The following MBTPS1 variants were observed in gnomAD, a reference collection of about 807,000 sequenced individuals.
The protein encoded by MBTPS1 is membrane bound transcription factor peptidase, site 1.
MBTPS1 carries 94 observed loss-of-function variants against 127.8 expected under a neutral mutation model. The observed-to-expected ratio is 0.74, with a 90% CI of 0.62 to 0.87. MBTPS1 has a LOEUF of 0.87. Among genes scored for constraint, MBTPS1 ranks in the 40% least tolerant of loss-of-function variants. The pLI is 0.00. For synonymous variants in MBTPS1, 632 were observed against 509.4 expected (o/e 1.24, Z -3.24); for missense variants, 1,636 against 1,353.2 (o/e 1.21, Z -3.28).
intron 4 of MBTPS1, 28 bp from the exon 5 acceptor site, chr16:84,093,849 T>C (rs367958637): frequency 2.6e-5 from 37 of 1,450,762 alleles, no homozygotes; most frequent in East Asian, 1.8e-4. Context: ...GCAAACACAA[T>C]TATGTTTGAA....
At position 84,101,718 on chromosome 16, in the gene MBTPS1, G is replaced by T. The variant is rs201212698; in HGVS notation, c.66C>A (p.Gly22=). ...CAAAAGATTTCTTTTCCAGTCTGTC[G>T]CCCAGATGTTTCTTCCCACAGAGCA... The part of the protein sequence containing the change: ...VVLLCGKKHL[G]DRLEKKSFEK... Residue 22 remains glycine (G), a synonymous_variant, in exon 2 of 23, where the codon GGC becomes GGA. Transcript: ENST00000343411. 47 of 1,613,904 alleles carry T rather than the reference G, an allele frequency of 2.9e-5. No homozygotes were observed. Among genetic ancestry groups the T allele is most frequent in the Non-Finnish European group, 9.3e-6 (11 of 1,179,960 alleles).
intron 1 of MBTPS1, among the ~76,000 whole-genome samples, chr16:84,109,074 G>A (rs1458764241): frequency 6.6e-6 from 1 of 152,202 alleles, no homozygotes; most frequent in Non-Finnish European, 1.5e-5. Context: ...ACAGCAAGGA[G>A]CCCACCTACT....
intron 12 of MBTPS1, among the ~76,000 whole-genome samples, chr16:84,073,105 A>G (rs747555060): frequency 2.6e-5 from 4 of 152,220 alleles, no homozygotes; most frequent in Non-Finnish European, 5.9e-5. Context: ...ACAACCATTA[A>G]GAAGTATACT....
At chr16:84,110,194 A>G (rs949223867) in intron 1 of MBTPS1, among the ~76,000 whole-genome samples, 7 of 152,182 alleles carry the variant, frequency 4.6e-5, no homozygotes, top group African/African-American at 1.7e-4. Flanking sequence ...ACAGATTTAC[A>G]CTCATCAATT....
intron 10 of MBTPS1, 68 bp from the exon 11 acceptor site, chr16:84,081,976 T>C: frequency 8.2e-7 from 1 of 1,222,012 alleles, no homozygotes; most frequent in East Asian, 2.9e-5. Context: ...CACTAAAACC[T>C]AACCTACAAA....
chr16:84,054,256 T>A lies in MBTPS1; in HGVS notation c.*193A>T, dbSNP rs2085482439. The A allele has an allele frequency of 2.3e-6, 1 of 433,624 alleles. No homozygotes were observed. Among genetic ancestry groups the A allele is most frequent in the African/African-American group, 2.0e-5 (1 of 49,052 alleles). The allele number at this position is 433,624 out of a possible 1,614,324, so 26.9% of individuals were successfully genotyped here. ...AGCCACTAAGTCCCTCCTGACGGGA[T>A]CCACAGGAATCTTCTCGATGTACCA... On this transcript the variant is annotated 3_prime_UTR_variant, in exon 23 of 23. Transcript: ENST00000343411.
intron 21 of MBTPS1, among the ~76,000 whole-genome samples, 184 bp downstream of exon 21, chr16:84,059,118 G>A (rs2085567185): frequency 6.6e-6 from 1 of 152,170 alleles, no homozygotes; most frequent in African/African-American, 2.4e-5. Flanking sequence ...TTTTATGCAG[G>A]ATACCACCAA....
intron 1 of MBTPS1, among the ~76,000 whole-genome samples, chr16:84,107,407 G>C (rs1198348181): frequency 6.6e-6 from 1 of 152,178 alleles, no homozygotes; most frequent in East Asian, 1.9e-4. Context: ...GGAAATGACA[G>C]GGACAAGGAC....
At chr16:84,058,311 C>T (rs1266774202) in intron 21 of MBTPS1, among the ~76,000 whole-genome samples, 1 of 152,254 alleles carries the variant, frequency 6.6e-6, no homozygotes, top group East Asian at 1.9e-4. Context: ...CTCTCCTCTT[C>T]GCCTTACAGG....
At chr16:84,111,213 G>C (rs2086392165) in intron 1 of MBTPS1, among the ~76,000 whole-genome samples, 1 of 152,110 alleles carries the variant, frequency 6.6e-6, no homozygotes, top group Non-Finnish European at 1.5e-5. Flanking sequence ...AGAGGCAGGA[G>C]ATGACAACAG....
intron 12 of MBTPS1, among the ~76,000 whole-genome samples, chr16:84,071,581 C>T (rs1436464345): frequency 6.6e-6 from 1 of 152,144 alleles, no homozygotes; most frequent in East Asian, 1.9e-4. Context: ...TGTAACACAT[C>T]AAATTAACAC....
At chr16:84,055,886 AC>A in intron 22 of MBTPS1, 118 bp downstream of exon 22, 1 of 1,164,058 alleles carries the variant, frequency 8.6e-7, no homozygotes, top group Non-Finnish European at 1.2e-6. Context: ...CAAGGCCACC[AC>A]AGCTCCCAGG....
At chr16:84,075,944 T>C (rs1443628089) in intron 11 of MBTPS1, among the ~76,000 whole-genome samples, 1 of 152,242 alleles carries the variant, frequency 6.6e-6, no homozygotes, top group Non-Finnish European at 1.5e-5. Flanking sequence ...CAAAGGTATC[T>C]GTTCTACTTG....
At chr16:84,085,911 G>A (rs1041238497) in intron 9 of MBTPS1, 2 of 152,156 alleles carry the variant, frequency 1.3e-5, no homozygotes, top group African/African-American at 4.8e-5. Flanking sequence ...ATGAGTGGAT[G>A]TTTCAAACGG....
chr16:84,088,197 G>T (rs2086057567), intron 8 of MBTPS1, among the ~76,000 whole-genome samples: 2 of 152,008 alleles, frequency 1.3e-5, no homozygotes. Flanking sequence ...GCTTTATTAT[G>T]GCTCCACTAC....
At chr16:84,100,458 C>T (rs1024881560) in intron 2 of MBTPS1, among the ~76,000 whole-genome samples, 2 of 151,908 alleles carry the variant, frequency 1.3e-5, no homozygotes, top group East Asian at 1.9e-4. Flanking sequence ...GCAGGAGAAT[C>T]GCTTGAACCT....
At chr16:84,069,053 A>C (rs1009471476) in intron 14 of MBTPS1, among the ~76,000 whole-genome samples, 5 of 151,812 alleles carry the variant, frequency 3.3e-5, no homozygotes, top group Non-Finnish European at 7.4e-5. Context: ...ACTTCCCACC[A>C]CTTCCTGTCT....
chr16:84,112,695 C>T (rs967233846), intron 1 of MBTPS1, among the ~76,000 whole-genome samples: 1 of 147,850 alleles, frequency 6.8e-6, no homozygotes, highest in Non-Finnish European at 1.5e-5. Flanking sequence ...AAAGAATACG[C>T]CGGGCTCGGT....
At chr16:84,105,348 G>C (rs6563998) in intron 1 of MBTPS1, among the ~76,000 whole-genome samples, 143,161 of 152,282 alleles carry the variant, frequency 0.94, 67,416 homozygotes, top group African/African-American at 0.99. Context: ...CAAGTGTGAT[G>C]TAGTTAAATT....
Sources: gnomAD v4.1 joint callset for allele counts (sites outside exome capture counted in the v4.1 genomes callset) on GRCh38, gnomAD v4.1.1 for gene constraint, MANE v1.5 for transcripts, NCBI Gene and HGNC (gene_info 2026-07-23, HGNC 2026-07-21) for gene names.